FHL5: variants seen among roughly 807,000 people sequenced by gnomAD.
FHL5 encodes four and a half LIM domains 5, also known as four and a half LIM domains protein 5.
In FHL5, 33 loss-of-function variants were observed where a neutral mutation model predicts 32.0. That is an observed-to-expected ratio of 1.03 (90% confidence interval 0.78 to 1.38). The LOEUF (loss-of-function observed/expected upper bound fraction) is 1.38, where lower values mean the gene tolerates loss of function less well. Among genes scored for constraint, FHL5 ranks in the 40% most tolerant of loss-of-function variants. The pLI, the probability that FHL5 is intolerant of heterozygous loss-of-function variation, is 0.00. For synonymous variants in FHL5, 114 were observed against 113.6 expected (o/e 1.00, Z -0.02); for missense variants, 336 against 343.9 (o/e 0.98, Z 0.18).
At chr6:96,608,839 T>A (rs1771339200) in intron 4 of FHL5, among the ~76,000 whole-genome samples, 1 of 152,198 alleles carries the variant, frequency 6.6e-6, no homozygotes, top group Non-Finnish European at 1.5e-5. Context: ...AGCAAACTAT[T>A]TTTGATGTTC....
chr6:96,568,365 T>C (rs539960201), intron 1 of FHL5, among the ~76,000 whole-genome samples: 18 of 152,000 alleles, frequency 1.2e-4, no homozygotes, highest in African/African-American at 3.6e-4. Flanking sequence ...GGTTCACAAG[T>C]ATTTTGTTGA....
chr6:96,607,890 G>A (rs1041342892), intron 4 of FHL5, among the ~76,000 whole-genome samples: 1 of 152,102 alleles, frequency 6.6e-6, no homozygotes, highest in African/African-American at 2.4e-5. Context: ...TACTTGGGTG[G>A]CTGAGGCAGG....
chr6:96,576,197 GTAGCC>G (rs771832529), intron 1 of FHL5, among the ~76,000 whole-genome samples: 51 of 152,168 alleles, frequency 3.4e-4, no homozygotes, highest in Non-Finnish European at 5.3e-4. Flanking sequence ...AATACCCAGA[GTAGCC>G]TGTGCATACC....
intron 1 of FHL5, among the ~76,000 whole-genome samples, chr6:96,593,919 T>C (rs1260261441): frequency 6.6e-6 from 1 of 152,084 alleles, no homozygotes; most frequent in African/African-American, 2.4e-5. Context: ...ATTATTGGAC[T>C]GGAAGTCTTT....
chr6:96,602,773 C>T (rs1343061056), intron 1 of FHL5, among the ~76,000 whole-genome samples: 1 of 152,148 alleles, frequency 6.6e-6, no homozygotes, highest in East Asian at 1.9e-4. Context: ...TATTTATGCT[C>T]TATACATGTT....
At chr6:96,598,695 G>C (rs1038732920) in intron 1 of FHL5, among the ~76,000 whole-genome samples, 2 of 152,158 alleles carry the variant, frequency 1.3e-5, no homozygotes, top group Non-Finnish European at 2.9e-5. Flanking sequence ...TGTACCCAAT[G>C]TTTAGAACTA....
intron 1 of FHL5, among the ~76,000 whole-genome samples, chr6:96,601,264 G>A (rs957755496): frequency 4.6e-5 from 7 of 151,882 alleles, no homozygotes; most frequent in Admixed American, 2.6e-4. Context: ...AACCCGGGAA[G>A]TAGAGGTTGC....
At chr6:96,602,962 A>T (rs1771186113) in intron 1 of FHL5, among the ~76,000 whole-genome samples, 1 of 152,194 alleles carries the variant, frequency 6.6e-6, no homozygotes, top group Non-Finnish European at 1.5e-5. Context: ...TTAAATGAAG[A>T]TATCTAAAGC....
rs996822576 is a variant in FHL5 at position 96,615,941 on chromosome 6, C to T, written c.*169C>T. 2.6e-5 allele frequency: 13 copies of T among 501,138 alleles called. No homozygotes were observed. Among genetic ancestry groups the T allele is most frequent in the East Asian group, 1.7e-4 (5 of 30,046 alleles). The allele number at this position is 501,138 out of a possible 1,614,324, so 31.0% of individuals were successfully genotyped here. ...AACTATATTCTAAGCACACAAAAAG[C>T]ACAGTAGAACAGAAATGAATATATG... On this transcript the variant is annotated 3_prime_UTR_variant, in exon 6 of 6. Coordinates refer to ENST00000450218, the MANE Select transcript of FHL5 (RefSeq NM_001322466.2).
At chr6:96,592,476 C>T (rs539663620) in intron 1 of FHL5, among the ~76,000 whole-genome samples, 2 of 152,122 alleles carry the variant, frequency 1.3e-5, no homozygotes, top group African/African-American at 2.4e-5. Flanking sequence ...ATTGTTCAAA[C>T]ACACATGCTC....
chr6:96,581,065 A>C (rs138833883), intron 1 of FHL5, among the ~76,000 whole-genome samples: 232 of 152,254 alleles, frequency 1.5e-3, no homozygotes, highest in Middle Eastern at 3.4e-3. Flanking sequence ...AGGGAGTATA[A>C]ATTTTTCAAC....
chr6:96,568,144 A>T (rs889936995), intron 1 of FHL5, among the ~76,000 whole-genome samples: 1 of 151,860 alleles, frequency 6.6e-6, no homozygotes, highest in Non-Finnish European at 1.5e-5. Flanking sequence ...GTGGAAGTAC[A>T]TTCCTTCTAT....
In FHL5 at chr6:96,615,644, A is replaced by T. The variant is rs1408312455; in HGVS notation, c.727A>T (p.Ser243Cys). 4 of 1,612,662 alleles carry T rather than the reference A, an allele frequency of 2.5e-6. No individual in the cohort carries two copies. The highest frequency in any genetic ancestry group is 8.5e-7 in the Non-Finnish European group (1 of 1,179,414). ...TGCCAAGTTTATCTGCTTTCAAGAC[A>T]GCCAGTGGCATAGCGAATGCTTTAA... ...TGAKFICFQDSQWHSECFNCG... is the reference protein window; with the variant it reads ...TGAKFICFQDCQWHSECFNCG... The change falls in exon 6 of 6, where the codon AGC (serine) becomes TGC (cysteine). Residue 243 changes from serine (S) to cysteine (C), a missense_variant. Transcript: ENST00000450218.
intron 5 of FHL5, among the ~76,000 whole-genome samples, chr6:96,614,074 T>C (rs1364494209): frequency 1.3e-5 from 2 of 152,214 alleles, no homozygotes; most frequent in Non-Finnish European, 2.9e-5. Context: ...TTGGAACAGT[T>C]TACATACATC....
At chr6:96,564,027 T>C (rs950009155) in intron 1 of FHL5, among the ~76,000 whole-genome samples, 1 of 152,216 alleles carries the variant, frequency 6.6e-6, no homozygotes. Flanking sequence ...ACATCCCATA[T>C]GTGTTAATGC....
chr6:96,600,471 C>T (rs1771125072), intron 1 of FHL5, among the ~76,000 whole-genome samples: 1 of 151,874 alleles, frequency 6.6e-6, no homozygotes, highest in African/African-American at 2.4e-5. Context: ...TCTTTCTTTC[C>T]TTGCTTCTTT....
chr6:96,568,109 G>T (rs1276740942), intron 1 of FHL5, among the ~76,000 whole-genome samples: 1 of 151,702 alleles, frequency 6.6e-6, no homozygotes, highest in Non-Finnish European at 1.5e-5. Context: ...TTGGCTGTGG[G>T]TTTGTCATAC....
In FHL5 at chr6:96,610,569, C is replaced by G. The variant is rs1315241202; in HGVS notation, c.505-3C>G. 1 of 1,610,664 alleles carries G rather than the reference C, an allele frequency of 6.2e-7. No individual in the cohort carries two copies. Among genetic ancestry groups the G allele is most frequent in the Admixed American group, 1.7e-5 (1 of 59,926 alleles). ...TCATTGCCTTTTCTGTGGTCTTTGG[C>G]AGGTGATAACTTCAGGTGGGATAAC... is the stretch of plus-strand genomic sequence containing the variant. On this transcript the variant is annotated splice_region_variant and splice_polypyrimidine_tract_variant and intron_variant, in intron 4 of 5. Transcript: ENST00000450218.
At chr6:96,587,909 T>A (rs532120614) in intron 1 of FHL5, among the ~76,000 whole-genome samples, 2 of 152,346 alleles carry the variant, frequency 1.3e-5, no homozygotes, top group South Asian at 4.1e-4. Flanking sequence ...CTGTAAGTCA[T>A]CTGTTTTTGT....
Sources: allele counts gnomAD v4.1 joint callset (sites outside exome capture counted in the v4.1 genomes callset), GRCh38; gene constraint gnomAD v4.1.1; transcripts MANE v1.5; gene names NCBI Gene and HGNC (gene_info 2026-07-23, HGNC 2026-07-21).